The following STX18 variants were observed in gnomAD, a reference collection of about 807,000 sequenced individuals.
STX18 encodes the protein syntaxin 18.
STX18 carries 40 observed loss-of-function variants against 50.1 expected under a neutral mutation model. That is an observed-to-expected ratio of 0.80 (90% confidence interval 0.62 to 1.04). The LOEUF is 1.04. Ranked by LOEUF, STX18 falls within the 50% of genes least tolerant of loss-of-function variation. The pLI, the probability that STX18 is intolerant of heterozygous loss-of-function variation, is 0.00. For synonymous variants in STX18, 158 were observed against 151.8 expected (o/e 1.04, Z -0.30); for missense variants, 410 against 415.8 (o/e 0.99, Z 0.12).
rs1728958799 is a variant in STX18 at position 4,491,893 on chromosome 4, G to C, written c.169-20187C>G. 2.0e-5 allele frequency among the ~76,000 whole-genome samples: 3 copies of C among 152,008 alleles called. No homozygotes were observed. In the South Asian group the frequency reaches 6.2e-4, roughly 31 times the overall value. ...TTTTTTAGCCATTAAAAAACTAAAA[G>C]TATCCTGACAAGAGATTCTGGTTTT... On this transcript the variant is annotated intron_variant, in intron 1 of 10. Coordinates refer to ENST00000306200, the MANE Select transcript of STX18 (RefSeq NM_016930.4).
At chr4:4,436,516 C>T (rs1014075540) in intron 6 of STX18, among the ~76,000 whole-genome samples, 1 of 149,316 alleles carries the variant, frequency 6.7e-6, no homozygotes, top group Non-Finnish European at 1.5e-5. Flanking sequence ...AAATTAGAAA[C>T]AGAAACCTTG....
At chr4:4,462,752 A>C (rs1020751294) in intron 2 of STX18, among the ~76,000 whole-genome samples, 3 of 152,160 alleles carry the variant, frequency 2.0e-5, no homozygotes, top group African/African-American at 7.2e-5. Context: ...AAAATGAAGA[A>C]TGCCTCGGGG....
At chr4:4,531,080 T>C (rs1442349862) in intron 1 of STX18, among the ~76,000 whole-genome samples, 1 of 152,044 alleles carries the variant, frequency 6.6e-6, no homozygotes, top group African/African-American at 2.4e-5. Flanking sequence ...TGCTAACCAA[T>C]TACCGCCAAT....
At chr4:4,450,080 C>A (rs939381924) in intron 5 of STX18, among the ~76,000 whole-genome samples, 1 of 152,324 alleles carries the variant, frequency 6.6e-6, no homozygotes, top group Middle Eastern at 3.4e-3. Context: ...ACGCTTATTG[C>A]TATTACAGTG....
chr4:4,467,904 A>G (rs1201052747), intron 2 of STX18, among the ~76,000 whole-genome samples: 3 of 152,316 alleles, frequency 2.0e-5, no homozygotes, highest in East Asian at 3.9e-4. Flanking sequence ...AGCCAAAAAA[A>G]TACTGTAATG....
intron 1 of STX18, among the ~76,000 whole-genome samples, chr4:4,529,475 A>C (rs1730982397): frequency 6.6e-6 from 1 of 151,808 alleles, no homozygotes; most frequent in Non-Finnish European, 1.5e-5. Flanking sequence ...TATATAATGT[A>C]TGCACCAAAA....
At chr4:4,445,801 G>A (rs1726368044) in intron 5 of STX18, among the ~76,000 whole-genome samples, 1 of 152,176 alleles carries the variant, frequency 6.6e-6, no homozygotes, top group Non-Finnish European at 1.5e-5. Flanking sequence ...AAACATTCTA[G>A]CAGATTTTCT....
intron 2 of STX18, among the ~76,000 whole-genome samples, chr4:4,467,499 G>C (rs1727677643): frequency 6.6e-6 from 1 of 152,084 alleles, no homozygotes; most frequent in Non-Finnish European, 1.5e-5. Flanking sequence ...ACAGTAGGTG[G>C]TAAGAATGTG....
chr4:4,441,187 G>A (rs1726085102), intron 5 of STX18, among the ~76,000 whole-genome samples: 3 of 152,118 alleles, frequency 2.0e-5, no homozygotes, highest in African/African-American at 7.2e-5. Flanking sequence ...TCATAATTCT[G>A]GCCATATTCT....
intron 1 of STX18, among the ~76,000 whole-genome samples, chr4:4,511,286 C>G (rs6819165): frequency 6.6e-6 from 1 of 152,054 alleles, no homozygotes; most frequent in Admixed American, 6.5e-5. Context: ...GTCCAGCCTA[C>G]GCTAATGTGG....
intron 7 of STX18, among the ~76,000 whole-genome samples, chr4:4,426,972 C>T (rs1330838059): frequency 7.9e-5 from 12 of 152,192 alleles, no homozygotes; most frequent in African/African-American, 2.4e-4. Flanking sequence ...ATCTTCCTAG[C>T]GATCTGATAC....
chr4:4,451,562 C>T (rs910768308), intron 5 of STX18, among the ~76,000 whole-genome samples: 1 of 152,208 alleles, frequency 6.6e-6, no homozygotes, highest in Non-Finnish European at 1.5e-5. Context: ...GTGTCTCTGT[C>T]ACATTTTGGT....
chr4:4,524,322 A>G (rs1053416857), intron 1 of STX18, among the ~76,000 whole-genome samples: 3 of 152,186 alleles, frequency 2.0e-5, no homozygotes, highest in Admixed American at 6.5e-5. Context: ...CAGCTCCCCA[A>G]ATTTCCTTTG....
Position 4,419,336 on chromosome 4 carries a change from G to A in STX18, c.*698C>T, listed in dbSNP as rs1724791106. ...CCCACACCCCCTGCCTGTTCTGGGG[G>A]CAGCAGTCTTTGGAGGAGTAATGCC... On this transcript the variant is annotated 3_prime_UTR_variant, in exon 11 of 11. Coordinates refer to ENST00000306200, the MANE Select transcript of STX18 (RefSeq NM_016930.4). The A allele has an allele frequency of 6.6e-6, 1 of 151,854 alleles. No homozygotes were observed. Among genetic ancestry groups the A allele is most frequent in the Admixed American group, 6.6e-5 (1 of 15,224 alleles). 9.4% of individuals were successfully genotyped at this position (151,854 alleles called of 1,614,324 possible). A position where few individuals can be genotyped will look rare whatever the true frequency, so the allele number is the denominator to read the frequency against.
At chr4:4,479,065 C>A (rs1035671006) in intron 1 of STX18, 1 of 152,256 alleles carries the variant, frequency 6.6e-6, no homozygotes, top group African/African-American at 2.4e-5. Flanking sequence ...TCTCCGTGGG[C>A]TTCACTACAA....
intron 1 of STX18, among the ~76,000 whole-genome samples, chr4:4,539,494 C>G (rs1286638615): frequency 6.6e-6 from 1 of 152,178 alleles, no homozygotes. Flanking sequence ...GGAGATAATA[C>G]ACAAAGCAAT....
intron 7 of STX18, among the ~76,000 whole-genome samples, chr4:4,433,463 T>G (rs1048969453): frequency 6.7e-6 from 1 of 149,082 alleles, no homozygotes; most frequent in Non-Finnish European, 1.5e-5. Context: ...TTCCCTCCAC[T>G]ATTGTCCTAT....
chr4:4,492,140 A>C (rs1728971072), intron 1 of STX18, among the ~76,000 whole-genome samples: 1 of 152,118 alleles, frequency 6.6e-6, no homozygotes, highest in Non-Finnish European at 1.5e-5. Flanking sequence ...CTGGACAAAA[A>C]TCTTTGTTTT....
intron 1 of STX18, chr4:4,476,147 A>G (rs1231893764): frequency 6.6e-6 from 1 of 152,240 alleles, no homozygotes; most frequent in Non-Finnish European, 1.5e-5. Context: ...CTGATGGTCT[A>G]TCATGGAAAA....
Sources: allele counts gnomAD v4.1 joint callset (sites outside exome capture counted in the v4.1 genomes callset), GRCh38; gene constraint gnomAD v4.1.1; transcripts MANE v1.5; gene names NCBI Gene and HGNC (gene_info 2026-07-23, HGNC 2026-07-21).